The following INPP5D variants were observed in gnomAD, a reference collection of about 807,000 sequenced individuals.
INPP5D encodes the protein phosphatidylinositol 3,4,5-trisphosphate 5-phosphatase 1.
INPP5D carries 33 observed loss-of-function variants against 122.9 expected under a neutral mutation model. The observed-to-expected ratio is 0.27, with a 90% CI of 0.20 to 0.36. The LOEUF is 0.36. Ranked by LOEUF, INPP5D falls within the 10% of genes least tolerant of loss-of-function variation. The probability of loss-of-function intolerance (pLI) is 1.00; values close to 1 mark genes in which losing one functional copy is unlikely to be tolerated. For missense variants in INPP5D, 1,053 were observed against 1,412.7 expected (o/e 0.75, Z 4.08); for synonymous variants, 584 against 576.2 (o/e 1.01, Z -0.19).
intron 1 of INPP5D, among the ~76,000 whole-genome samples, chr2:233,070,798 G>A (rs1015467656): frequency 3.9e-5 from 6 of 152,190 alleles, no homozygotes; most frequent in African/African-American, 1.4e-4. Flanking sequence ...GAAAACCAGT[G>A]CTAAGAATAC....
chr2:233,151,745 A>G (rs1339463971), intron 9 of INPP5D, among the ~76,000 whole-genome samples: 2 of 152,232 alleles, frequency 1.3e-5, no homozygotes, highest in Non-Finnish European at 2.9e-5. Context: ...TAAATCCCAG[A>G]GCCAAAACAG....
chr2:233,190,673 G>A (rs1358831935), intron 22 of INPP5D, among the ~76,000 whole-genome samples: 1 of 152,192 alleles, frequency 6.6e-6, no homozygotes, highest in African/African-American at 2.4e-5. Flanking sequence ...TACCATCTCT[G>A]CCTGTTTGTG....
intron 2 of INPP5D, among the ~76,000 whole-genome samples, chr2:233,121,309 T>C (rs544027537): frequency 6.6e-6 from 1 of 151,054 alleles, no homozygotes; most frequent in South Asian, 2.1e-4. Flanking sequence ...TTTTTGTGTT[T>C]TTAGTAGAGA....
chr2:233,132,500 G>A (rs142919410), intron 5 of INPP5D, among the ~76,000 whole-genome samples: 2 of 152,288 alleles, frequency 1.3e-5, no homozygotes, highest in Non-Finnish European at 1.5e-5. Flanking sequence ...TAAAGACACC[G>A]TCATGCTCTA....
At chr2:233,145,230 G>A in intron 6 of INPP5D, 1 of 456,178 alleles carries the variant, frequency 2.2e-6, no homozygotes, top group Non-Finnish European at 4.4e-6. Context: ...CTTGGCATCA[G>A]GTAGACAGGA....
chr2:233,151,958 A>G (rs933887392), intron 9 of INPP5D, among the ~76,000 whole-genome samples: 1 of 152,248 alleles, frequency 6.6e-6, no homozygotes, highest in Non-Finnish European at 1.5e-5. Context: ...ACCAGGTAAG[A>G]TCATACAGTT....
In INPP5D at chr2:233,182,395, T is replaced by C. The variant is rs1392097484; in HGVS notation, c.2072-15T>C. The C allele has an allele frequency of 1.2e-6, 2 of 1,613,062 alleles. No homozygotes were observed. The highest frequency in any genetic ancestry group is 1.7e-5 in the Admixed American group (1 of 59,986). ...TTCTCCTTCCCTGCTTAAAAATGCC[T>C]TCCCTCCCCTGCAGGCAGTACCAGC... On this transcript the variant is annotated splice_polypyrimidine_tract_variant and intron_variant, in intron 18 of 26. Transcript: ENST00000445964.
chr2:233,062,120 C>T (rs146601613), intron 1 of INPP5D, among the ~76,000 whole-genome samples: 1 of 152,250 alleles, frequency 6.6e-6, no homozygotes, highest in South Asian at 2.1e-4. Flanking sequence ...AGGCCTCTCA[C>T]AAGCCCAGTC....
At chr2:233,205,598 G>A (rs1397788663) in intron 26 of INPP5D, 1 of 151,764 alleles carries the variant, frequency 6.6e-6, no homozygotes, top group African/African-American at 2.4e-5. Context: ...CTGACCTCAG[G>A]TGATCTGCCT....
chr2:233,066,660 G>A (rs778802151), intron 1 of INPP5D, among the ~76,000 whole-genome samples: 10 of 152,182 alleles, frequency 6.6e-5, no homozygotes, highest in Non-Finnish European at 1.3e-4. Context: ...AGGCTGGAGT[G>A]CAGTGGCATG....
Position 233,105,651 on chromosome 2 carries a change from C to T in INPP5D, c.199-16456C>T, listed in dbSNP as rs972938881. Among the ~76,000 whole-genome samples, 1 of 152,184 alleles carries T rather than the reference C, an allele frequency of 6.6e-6. No homozygotes were observed. Among genetic ancestry groups the T allele is most frequent in the Non-Finnish European group, 1.5e-5 (1 of 68,030 alleles). On this transcript the variant is annotated intron_variant, in intron 2 of 26. Transcript: ENST00000445964. This position sits in a 1 kb window ranked among gnomAD's most constrained non-coding sequence, Gnocchi z 4.0. ...GAAGGGAAGGGTAAGAGGGTAGTGACCGCAAGCGGGCCGCCTGCTGGCTGC... is the reference window on the plus strand; with the variant it reads ...GAAGGGAAGGGTAAGAGGGTAGTGATCGCAAGCGGGCCGCCTGCTGGCTGC...
At chr2:233,156,225 G>A (rs1440938913) in intron 9 of INPP5D, among the ~76,000 whole-genome samples, 1 of 152,256 alleles carries the variant, frequency 6.6e-6, no homozygotes, top group Non-Finnish European at 1.5e-5. Context: ...CTGTGGCTCA[G>A]ACAAGGCCAA....
chr2:233,145,735 G>A lies in INPP5D; in HGVS notation c.754-427G>A, dbSNP rs1363669804. On this transcript the variant is annotated intron_variant, in intron 6 of 26. Coordinates refer to ENST00000445964, the MANE Select transcript of INPP5D (RefSeq NM_001017915.3). ...CATCATATAGGACCTCGGAGGGCAG[G>A]GAAGGGGTCGGGATCATTTTCTCCT... Among the ~76,000 whole-genome samples, 4 of 152,102 alleles carry A rather than the reference G, an allele frequency of 2.6e-5. No homozygotes were observed. The East Asian group carries it at 5.8e-4, about 22-fold the overall frequency.
intron 10 of INPP5D, 39 bp from the exon 11 acceptor site, chr2:233,161,685 C>A (rs1378907306): frequency 6.3e-7 from 1 of 1,585,024 alleles, no homozygotes; most frequent in Non-Finnish European, 8.6e-7. Flanking sequence ...TGCAGGGAGG[C>A]AGAGGCCTTT....
At chr2:233,114,444 G>A (rs940970360) in intron 2 of INPP5D, among the ~76,000 whole-genome samples, 5 of 152,188 alleles carry the variant, frequency 3.3e-5, no homozygotes, top group African/African-American at 1.2e-4. Context: ...GGAGGAGGTG[G>A]CCCCCATCCC....
At chr2:233,171,679 T>C (rs1045841095) in intron 17 of INPP5D, among the ~76,000 whole-genome samples, 1 of 152,268 alleles carries the variant, frequency 6.6e-6, no homozygotes, top group Non-Finnish European at 1.5e-5. Context: ...TGTATTCATT[T>C]GTTCAAAGAT....
At chr2:233,094,436 C>T (rs1357099968) in intron 2 of INPP5D, among the ~76,000 whole-genome samples, 1 of 129,860 alleles carries the variant, frequency 7.7e-6, no homozygotes, top group East Asian at 2.5e-4. Flanking sequence ...ATGCTTGATC[C>T]CGGCAGGTAG....
At chr2:233,156,183 G>A (rs1177089367) in intron 9 of INPP5D, among the ~76,000 whole-genome samples, 1 of 152,264 alleles carries the variant, frequency 6.6e-6, no homozygotes, top group Non-Finnish European at 1.5e-5. Context: ...TCCAAGACAG[G>A]AGCCAGTGTG....
At chr2:233,115,633 A>T (rs1290583884) in intron 2 of INPP5D, among the ~76,000 whole-genome samples, 1 of 152,046 alleles carries the variant, frequency 6.6e-6, no homozygotes, top group Non-Finnish European at 1.5e-5. Flanking sequence ...TTGCTACCTG[A>T]GTGAGCTCAG....
Sources: gnomAD v4.1 joint callset for allele counts (sites outside exome capture counted in the v4.1 genomes callset) on GRCh38, gnomAD v4.1.1 for gene constraint, Gnocchi (gnomAD v3.1) non-coding constraint, MANE v1.5 for transcripts, NCBI Gene and HGNC (gene_info 2026-07-23, HGNC 2026-07-21) for gene names.